The following PTPRT variants were observed in gnomAD, a reference collection of about 807,000 sequenced individuals.
PTPRT encodes the protein receptor-type tyrosine-protein phosphatase T.
A neutral mutation model predicts 176.8 loss-of-function variants in PTPRT; 56 were observed. That is an observed-to-expected ratio of 0.32 (90% confidence interval 0.26 to 0.40). PTPRT has a LOEUF of 0.40. Among genes scored for constraint, PTPRT ranks in the 10% least tolerant of loss-of-function variants. PTPRT has a pLI of 1.00. For missense variants in PTPRT, 1,540 were observed against 1,908.2 expected, an observed-to-expected ratio of 0.81 and a Z score of 3.60; for synonymous variants, 783 against 739.0, an observed-to-expected ratio of 1.06 and a Z score of -0.96.
intron 18 of PTPRT, among the ~76,000 whole-genome samples, chr20:42,129,304 G>T (rs545329872): frequency 6.6e-6 from 1 of 152,118 alleles, no homozygotes; most frequent in South Asian, 2.1e-4. Flanking sequence ...GAGATAGATT[G>T]TCAGCCATAT....
At chr20:42,341,330 C>G (rs1224137744) in intron 11 of PTPRT, among the ~76,000 whole-genome samples, 1 of 152,116 alleles carries the variant, frequency 6.6e-6, no homozygotes, top group East Asian at 1.9e-4. Context: ...CATTATCCAT[C>G]ATCTTCATTT....
At chr20:43,070,477 A>G (rs575968155) in intron 1 of PTPRT, among the ~76,000 whole-genome samples, 4 of 152,348 alleles carry the variant, frequency 2.6e-5, no homozygotes, top group African/African-American at 9.6e-5. Context: ...ATTATTGAGT[A>G]TATACCCAAA....
At position 42,756,629 on chromosome 20, in the gene PTPRT, T is replaced by C; in HGVS notation, c.692A>G (p.Asn231Ser). ...GACCATCAGGGCCGTGTCCCTGCCA[T>C]TCCATTGCTGCAGAACAGAGGAAGA... Reference protein sequence around the residue: ...QHDKLWLQQWNGRDTALMVTR... With the variant: ...QHDKLWLQQWSGRDTALMVTR... The change falls in exon 6 of 31, where the codon AAT (asparagine) becomes AGT (serine). Residue 231 changes from asparagine to serine, a missense_variant. Transcript: ENST00000373187. 1 of 1,588,068 alleles carries C rather than the reference T, an allele frequency of 6.3e-7. No individual in the cohort carries two copies. Among genetic ancestry groups the C allele is most frequent in the African/African-American group, 1.3e-5 (1 of 74,268 alleles).
At chr20:42,067,973 A>G (rs1225824211), downstream of PTPRT, among the ~76,000 whole-genome samples, 1 of 152,198 alleles carries the variant, frequency 6.6e-6, no homozygotes, top group Non-Finnish European at 1.5e-5. Context: ...GAGGTATTAC[A>G]AGGTGTGTTA....
chr20:42,383,752 C>G (rs1019844402), intron 9 of PTPRT, among the ~76,000 whole-genome samples: 1 of 152,196 alleles, frequency 6.6e-6, no homozygotes, highest in Admixed American at 6.5e-5. Flanking sequence ...CATTTAGCAT[C>G]TTGAATTTAG....
chr20:42,950,616 C>T lies in PTPRT; in HGVS notation c.89-64684G>A, dbSNP rs150233084. On this transcript the variant is annotated intron_variant, in intron 1 of 30. Transcript: ENST00000373187. ...CTGGGGTGGTAACCAAGATGGTGGA[C>T]GGAGTCACTACAGAGGAGGCACCAC... is the stretch of plus-strand genomic sequence containing the variant. 3.2e-3 allele frequency among the ~76,000 whole-genome samples: 490 copies of T among 152,252 alleles called. 4 individuals carry two copies. Among genetic ancestry groups the T allele is most frequent in the African/African-American group, 0.011 (458 of 41,556 alleles).
intron 1 of PTPRT, among the ~76,000 whole-genome samples, chr20:42,981,138 T>A (rs1433875061): frequency 6.6e-6 from 1 of 152,198 alleles, no homozygotes; most frequent in Non-Finnish European, 1.5e-5. Flanking sequence ...CTGATTACAA[T>A]GGTCTTGAAT....
intron 28 of PTPRT, among the ~76,000 whole-genome samples, chr20:42,085,072 A>G (rs908305693): frequency 5.3e-5 from 8 of 152,106 alleles, no homozygotes; most frequent in Non-Finnish European, 1.2e-4. Flanking sequence ...ACTCCTGCTC[A>G]GCCTTCAAAA....
chr20:42,677,072 TTAGG>T (rs1312709559), intron 7 of PTPRT, among the ~76,000 whole-genome samples: 3 of 152,178 alleles, frequency 2.0e-5, no homozygotes, highest in African/African-American at 7.2e-5. Context: ...ACCCAGACTC[TTAGG>T]TAGGGATAGG....
chr20:42,575,592 C>A (rs982574595), intron 7 of PTPRT, among the ~76,000 whole-genome samples: 2 of 152,180 alleles, frequency 1.3e-5, no homozygotes, highest in African/African-American at 4.8e-5. Context: ...AAGGACCAGA[C>A]AGTAAACATT....
At chr20:43,178,655 A>G (rs1256593899) in intron 1 of PTPRT, among the ~76,000 whole-genome samples, 1 of 152,166 alleles carries the variant, frequency 6.6e-6, no homozygotes, top group Non-Finnish European at 1.5e-5. Flanking sequence ...AAGTTCCTTG[A>G]CCCAGGCCTG....
At chr20:43,163,807 T>C (rs1271178693) in intron 1 of PTPRT, among the ~76,000 whole-genome samples, 1 of 152,192 alleles carries the variant, frequency 6.6e-6, no homozygotes, top group Non-Finnish European at 1.5e-5. Context: ...GTGTGTGTCT[T>C]TGTGTGCATA....
At chr20:42,718,539 AAAAAATAAATT>A (rs1031155951) in intron 6 of PTPRT, among the ~76,000 whole-genome samples, 5 of 152,348 alleles carry the variant, frequency 3.3e-5, no homozygotes, top group South Asian at 4.1e-4. Flanking sequence ...TCTGCCTTAA[AAAAAATAAATT>A]AAAAATAAAT....
intron 6 of PTPRT, among the ~76,000 whole-genome samples, chr20:42,721,334 A>G (rs1386220944): frequency 6.6e-6 from 1 of 152,178 alleles, no homozygotes; most frequent in Non-Finnish European, 1.5e-5. Context: ...TGAACTGGAG[A>G]TGAGATGGAT....
intron 13 of PTPRT, among the ~76,000 whole-genome samples, chr20:42,274,553 G>GTGTGTGTA (rs1293207927): frequency 3.8e-5 from 5 of 130,048 alleles, no homozygotes; most frequent in African/African-American, 9.4e-5. Context: ...GTGTGTGTGT[G>GTGTGTGTA]TGTGTGTGTG....
intron 8 of PTPRT, among the ~76,000 whole-genome samples, chr20:42,471,570 G>A (rs191223010): frequency 7.7e-4 from 117 of 152,226 alleles, no homozygotes; most frequent in Non-Finnish European, 1.2e-3. Flanking sequence ...CTGTACAGCT[G>A]CAGAACTGTG....
At chr20:43,047,045 G>C (rs1331042510) in intron 1 of PTPRT, among the ~76,000 whole-genome samples, 2 of 152,100 alleles carry the variant, frequency 1.3e-5, no homozygotes, top group African/African-American at 4.8e-5. Context: ...ATTCACGCCA[G>C]TTTCTTTTCA....
intron 7 of PTPRT, among the ~76,000 whole-genome samples, chr20:42,661,538 T>C (rs777804556): frequency 2.6e-5 from 4 of 152,208 alleles, no homozygotes; most frequent in Admixed American, 6.5e-5. Flanking sequence ...AGAGTAGTTA[T>C]AGTGGCTGCA....
chr20:43,012,881 T>C (rs992823259), intron 1 of PTPRT, among the ~76,000 whole-genome samples: 1 of 152,032 alleles, frequency 6.6e-6, no homozygotes, highest in African/African-American at 2.4e-5. Context: ...GTGCATCTCA[T>C]GCCCCAGGGC....
Sources: allele counts gnomAD v4.1 joint callset (sites outside exome capture counted in the v4.1 genomes callset), GRCh38; gene constraint gnomAD v4.1.1; transcripts MANE v1.5; gene names NCBI Gene and HGNC (gene_info 2026-07-23, HGNC 2026-07-21).